SIK2: variants seen among roughly 807,000 people sequenced by gnomAD.
SIK2 encodes the protein salt inducible kinase 2.
Under a neutral mutation model 103.2 loss-of-function variants are expected in SIK2, and 29 were observed. The observed-to-expected ratio is 0.28, with a 90% CI of 0.21 to 0.38. SIK2 has a LOEUF of 0.38. SIK2 is among the 10% of genes least tolerant of loss of function. SIK2 has a pLI of 1.00. For synonymous variants in SIK2, 412 were observed against 446.1 expected (o/e 0.92, Z 0.96); for missense variants, 879 against 1,171.0 (o/e 0.75, Z 3.64).
At chr11:111,621,453 GTATTA>G (rs1277344339) in intron 3 of SIK2, among the ~76,000 whole-genome samples, 16 of 151,638 alleles carry the variant, frequency 1.1e-4, no homozygotes, top group African/African-American at 1.7e-4. Flanking sequence ...ATTGCAAGTA[GTATTA>G]TATTATATGA....
chr11:111,647,240 C>G (rs1942269206), intron 3 of SIK2, among the ~76,000 whole-genome samples: 1 of 152,030 alleles, frequency 6.6e-6, no homozygotes, highest in Non-Finnish European at 1.5e-5. Flanking sequence ...CATGAATATC[C>G]TTGAAACTAA....
At chr11:111,646,069 T>C (rs1168002002) in intron 3 of SIK2, among the ~76,000 whole-genome samples, 2 of 152,144 alleles carry the variant, frequency 1.3e-5, no homozygotes, top group East Asian at 3.9e-4. Context: ...AAGTATAGTT[T>C]TAGTGCATGT....
At chr11:111,679,229 T>G (rs989935849) in intron 3 of SIK2, among the ~76,000 whole-genome samples, 2 of 152,250 alleles carry the variant, frequency 1.3e-5, no homozygotes, top group Non-Finnish European at 2.9e-5. Flanking sequence ...ATATTTGCCT[T>G]TAATTAAACC....
chr11:111,662,257 A>T lies in SIK2; in HGVS notation c.317-25744A>T, dbSNP rs117202825. On this transcript the variant is annotated intron_variant, in intron 3 of 14. Transcript: ENST00000304987. Reference sequence around the variant, plus strand: ...GATGTCACAGATGGATAATAATAGCAAATATTCATTCGTCAATTCAGCAAA... The same window carrying T: ...GATGTCACAGATGGATAATAATAGCTAATATTCATTCGTCAATTCAGCAAA... Among the ~76,000 whole-genome samples the T allele has an allele frequency of 6.5e-3, 998 of 152,370 alleles. 8 individuals carry two copies. The highest frequency in any genetic ancestry group is 0.054 in the Middle Eastern group (16 of 294).
rs67675103 is a variant in SIK2 at position 111,612,915 on chromosome 11, G to GATATATATATATATATATATAT, written c.136-3317_136-3296dup. On this transcript the variant is annotated intron_variant, in intron 1 of 14. Coordinates refer to ENST00000304987, the MANE Select transcript of SIK2 (RefSeq NM_015191.3). ...CCTTAGAAACAAGGGATAGCAATGG[G>GATATATATATATATATATATAT]ATATATATATATATATATATATATA... Among the ~76,000 whole-genome samples, 164 of 49,686 alleles carry GATATATATATATATATATATAT rather than the reference G, an allele frequency of 3.3e-3. 7 individuals carry two copies. The highest frequency in any genetic ancestry group is 4.3e-3 in the African/African-American group (68 of 15,742). The allele number at this position is 49,686 out of a possible 152,430, so 32.6% of individuals were successfully genotyped here.
At chr11:111,682,845 T>C (rs1047910507) in intron 3 of SIK2, among the ~76,000 whole-genome samples, 2 of 152,224 alleles carry the variant, frequency 1.3e-5, no homozygotes, top group African/African-American at 4.8e-5. Context: ...CCTGTGCTAG[T>C]ATTTCTCAGA....
chr11:111,722,010 C>T lies in SIK2; in HGVS notation c.2055+70C>T, dbSNP rs931066231. 6.6e-6 allele frequency: 8 copies of T among 1,212,872 alleles called. No homozygotes were observed. Among genetic ancestry groups the T allele is most frequent in the African/African-American group, 4.5e-5 (3 of 66,046 alleles). 75.1% of individuals were successfully genotyped at this position (1,212,872 alleles called of 1,614,324 possible). On this transcript the variant is annotated intron_variant, in intron 13 of 14. Coordinates refer to ENST00000304987, the MANE Select transcript of SIK2 (RefSeq NM_015191.3). This position sits in a 1 kb window ranked among gnomAD's most constrained non-coding sequence, Gnocchi z 4.4. ...AATCTGTTCTTCTGCAAAGCAGAAA[C>T]GTGTTTTGCCTGGCATTTATTTAGG...
At chr11:111,606,094 T>A (rs1305057801) in intron 1 of SIK2, among the ~76,000 whole-genome samples, 1 of 152,206 alleles carries the variant, frequency 6.6e-6, no homozygotes, top group East Asian at 1.9e-4. Flanking sequence ...TCAGTGAGTG[T>A]CCTTGAGTAG....
chr11:111,712,970 C>T (rs1159653260), intron 9 of SIK2, among the ~76,000 whole-genome samples: 6 of 152,054 alleles, frequency 3.9e-5, no homozygotes. Context: ...TTCCAGACCA[C>T]CTTGGGCAAC....
rs1397086390 is a variant in SIK2 at position 111,688,581 on chromosome 11, T to A, written c.478+419T>A. On this transcript the variant is annotated intron_variant, in intron 4 of 14. Transcript: ENST00000304987. This position sits in a 1 kb window ranked among gnomAD's most constrained non-coding sequence, Gnocchi z 4.2. ...GGCAAAAGAAGTGATGGAGGTAGAA[T>A]GAGAAATAGTTGAGACAGAAAAGCA... 1.3e-5 allele frequency among the ~76,000 whole-genome samples: 2 copies of A among 152,184 alleles called. No homozygotes were observed. Among genetic ancestry groups the A allele is most frequent in the Admixed American group, 6.5e-5 (1 of 15,282 alleles).
intron 3 of SIK2, among the ~76,000 whole-genome samples, chr11:111,677,908 A>G (rs1942726308): frequency 6.6e-6 from 1 of 152,188 alleles, no homozygotes. Context: ...ACAGTTTCAC[A>G]TTATTTTTCA....
At position 111,614,306 on chromosome 11, in the gene SIK2, A is replaced by G. The variant is rs545372699; in HGVS notation, c.136-1937A>G. On this transcript the variant is annotated intron_variant, in intron 1 of 14. Coordinates refer to ENST00000304987, the MANE Select transcript of SIK2 (RefSeq NM_015191.3). ...ACCATGTTGGCCAGGCTGGTCTGAA[A>G]CTCCTGACCTCAAATGATCAGCCTG... Among the ~76,000 whole-genome samples, 4 of 151,518 alleles carry G rather than the reference A, an allele frequency of 2.6e-5. No individual in the cohort carries two copies. The East Asian group carries it at 7.8e-4, about 30-fold the overall frequency.
chr11:111,630,070 C>G (rs1262165575), intron 3 of SIK2, among the ~76,000 whole-genome samples: 1 of 152,070 alleles, frequency 6.6e-6, no homozygotes, highest in East Asian at 1.9e-4. Flanking sequence ...CGGATCAACC[C>G]AAATGTCCAT....
chr11:111,717,317 CAAAAAAAAAAAA>C (rs34473568), intron 9 of SIK2, among the ~76,000 whole-genome samples: 141 of 49,466 alleles, frequency 2.9e-3, no homozygotes, highest in South Asian at 5.4e-3. Flanking sequence ...GACTCCGTCT[CAAAAAAAAAAAA>C]AAAAAAAAAA....
intron 3 of SIK2, chr11:111,672,139 G>T: frequency 2.3e-6 from 1 of 442,802 alleles, no homozygotes; most frequent in Non-Finnish European, 4.3e-6. Flanking sequence ...CTGGATGTTG[G>T]GGTCCACTTC....
chr11:111,723,636 A>C lies in SIK2; in HGVS notation c.2288A>C (p.Gln763Pro), dbSNP rs1247510100. 1.2e-6 allele frequency: 2 copies of C among 1,614,102 alleles called. No homozygotes were observed. Among genetic ancestry groups the C allele is most frequent in the Non-Finnish European group, 8.5e-7 (1 of 1,180,018 alleles). Residue 763 changes from glutamine (Q) to proline (P), a missense_variant, in exon 15 of 15, where the codon CAG becomes CCG. Around this residue, in one of 7 missense-constraint regions of SIK2, gnomAD observed 375 missense variants for 416.3 expected, o/e 0.90. Coordinates refer to ENST00000304987, the MANE Select transcript of SIK2 (RefSeq NM_015191.3). The stretch of plus-strand genomic sequence containing the variant: ...CGCCAGGAGACTCCACCGCCTTCTC[A>C]GCAGGCCCCACCGTTCAGCCTGACC... ...LPRQETPPPS[Q>P]QAPPFSLTQP...
intron 9 of SIK2, among the ~76,000 whole-genome samples, 156 bp from the exon 10 acceptor site, chr11:111,719,619 C>T (rs760001064): frequency 2.0e-5 from 3 of 152,132 alleles, no homozygotes; most frequent in East Asian, 1.9e-4. Context: ...CTTGCCTTCA[C>T]TTCTAATCTA....
intron 3 of SIK2, among the ~76,000 whole-genome samples, chr11:111,656,526 CAT>C (rs1330158569): frequency 6.6e-6 from 1 of 152,178 alleles, no homozygotes; most frequent in Non-Finnish European, 1.5e-5. Context: ...GGATAACTAA[CAT>C]AGTAGTTGTC....
At chr11:111,628,268 C>T (rs1247734006) in intron 3 of SIK2, among the ~76,000 whole-genome samples, 1 of 152,102 alleles carries the variant, frequency 6.6e-6, no homozygotes, top group East Asian at 1.9e-4. Context: ...ATCTATCTTC[C>T]AAGTTTTTAT....
Sources: allele counts gnomAD v4.1 joint callset (sites outside exome capture counted in the v4.1 genomes callset), GRCh38; gene constraint gnomAD v4.1.1; regional missense constraint gnomAD v4.1.1; non-coding constraint Gnocchi (gnomAD v3.1); transcripts MANE v1.5; gene names NCBI Gene and HGNC (gene_info 2026-07-23, HGNC 2026-07-21).